The following LGR4 variants were observed in gnomAD, a reference collection of about 807,000 sequenced individuals.
LGR4 encodes the protein leucine-rich repeat-containing G protein-coupled receptor 4.
Under a neutral mutation model 84.8 loss-of-function variants are expected in LGR4, and 44 were observed. The ratio of observed to expected loss-of-function variants is 0.52; its 90% CI spans 0.41 to 0.67. The LOEUF (loss-of-function observed/expected upper bound fraction) is 0.67, where lower values mean the gene tolerates loss of function less well. Among genes scored for constraint, LGR4 ranks in the 30% least tolerant of loss-of-function variants. The probability of loss-of-function intolerance (pLI) is 0.00; values close to 1 mark genes in which losing one functional copy is unlikely to be tolerated. For synonymous variants in LGR4, 429 were observed against 434.3 expected (o/e 0.99, Z 0.15); for missense variants, 1,032 against 1,131.4 (o/e 0.91, Z 1.26).
chr11:27,459,428 C>T (rs1864638945), intron 1 of LGR4, among the ~76,000 whole-genome samples: 1 of 151,952 alleles, frequency 6.6e-6, no homozygotes, highest in East Asian at 1.9e-4. Flanking sequence ...GTTTTTCCTC[C>T]TTCTGGAATT....
At position 27,411,414 on chromosome 11, in the gene LGR4, G is replaced by A. The variant is rs947391348; in HGVS notation, c.257+1375C>T. ...AAAAAAAAAAACAACAACACAGGAGGCAAAAATAAAACATATACTTCTACC... is the reference window on the plus strand; with the variant it reads ...AAAAAAAAAAACAACAACACAGGAGACAAAAATAAAACATATACTTCTACC... On this transcript the variant is annotated intron_variant, in intron 2 of 17. Coordinates refer to ENST00000379214, the MANE Select transcript of LGR4 (RefSeq NM_018490.5). Among the ~76,000 whole-genome samples, 9 of 151,074 alleles carry A rather than the reference G, an allele frequency of 6.0e-5. 1 individual carries two copies. Among genetic ancestry groups the A allele is most frequent in the Admixed American group, 5.9e-4 (9 of 15,152 alleles).
intron 1 of LGR4, among the ~76,000 whole-genome samples, chr11:27,457,456 G>A (rs1195958476): frequency 6.6e-6 from 1 of 152,154 alleles, no homozygotes; most frequent in Non-Finnish European, 1.5e-5. Flanking sequence ...CAGCATAGAG[G>A]AGTTTAAAGA....
At chr11:27,443,325 C>T (rs35548939) in intron 1 of LGR4, among the ~76,000 whole-genome samples, 12,664 of 152,226 alleles carry the variant, frequency 0.083, 781 homozygotes, top group Non-Finnish European at 0.12. Flanking sequence ...AAATTCCTCC[C>T]CAAGCTCATT....
chr11:27,448,310 A>G (rs1474523236), intron 1 of LGR4, among the ~76,000 whole-genome samples: 1 of 127,744 alleles, frequency 7.8e-6, no homozygotes, highest in Non-Finnish European at 1.7e-5. Flanking sequence ...TTTTTTTTTG[A>G]GACAGAGTTT....
Position 27,371,693 on chromosome 11 carries a change from C to T in LGR4, c.1501G>A (p.Ala501Thr), listed in dbSNP as rs774195086. 6.2e-7 allele frequency: 1 copy of T among 1,608,722 alleles called. No homozygotes were observed. Among genetic ancestry groups the T allele is most frequent in the East Asian group, 2.2e-5 (1 of 44,840 alleles). The stretch of plus-strand genomic sequence containing the variant: ...GTGCTTGTGACATTTGCTGCATCAG[C>T]AGTACCTGAACATATAACACAAAGC... ...DHSVAQEKGT[A>T]DAANVTSTLE... The change falls in exon 17 of 18, where the codon GCT becomes ACT. Residue 501 changes from alanine (A) to threonine (T), a missense_variant. By Grantham distance (58) the Ala-to-Thr change is moderately conservative. Coordinates refer to ENST00000379214, the MANE Select transcript of LGR4 (RefSeq NM_018490.5).
Position 27,377,138 on chromosome 11 carries a change from T to A in LGR4, c.1109+20A>T. ...TAACAATACACCACAACAAAAGGAA[T>A]AAGTCAAAGACCAACTCACATTTCT... On this transcript the variant is annotated intron_variant, in intron 12 of 17. Transcript: ENST00000379214. 1 of 1,480,416 alleles carries A rather than the reference T, an allele frequency of 6.8e-7. No individual in the cohort carries two copies. The highest frequency in any genetic ancestry group is 1.4e-5 in the African/African-American group (1 of 71,332). 91.7% of individuals were successfully genotyped at this position (1,480,416 alleles called of 1,614,324 possible).
At chr11:27,441,546 G>C (rs968141996) in intron 1 of LGR4, among the ~76,000 whole-genome samples, 1 of 152,216 alleles carries the variant, frequency 6.6e-6, no homozygotes, top group Non-Finnish European at 1.5e-5. Flanking sequence ...AATCTAACCA[G>C]AGAAAGAAAT....
Position 27,472,123 on chromosome 11 carries a change from T to C in LGR4, c.180A>G (p.Gln60=). ...TCCCCGCCGCCCGCACTCACAGCGC[T>C]TGGGTGAAGGCGCTGAGCCCCTCGG... ...AVPEGLSAFT[Q]ALDISMNNIT... The change falls in exon 1 of 18, where the codon CAA becomes CAG. Residue 60 remains glutamine (Q), a synonymous_variant. Transcript: ENST00000379214. 8.1e-7 allele frequency: 1 copy of C among 1,236,902 alleles called. No individual in the cohort carries two copies. The allele number at this position is 1,236,902 out of a possible 1,614,324, so 76.6% of individuals were successfully genotyped here. A position where few individuals can be genotyped will look rare whatever the true frequency, so the allele number is the denominator to read the frequency against.
Position 27,380,635 on chromosome 11 carries a change from C to T in LGR4, c.902+5G>A, listed in dbSNP as rs766639386. On this transcript the variant is annotated splice_donor_5th_base_variant and intron_variant, in intron 9 of 17. Transcript: ENST00000379214. ...CCAGGTTTGTTTTTAAATTCACATA[C>T]TTACAGGGAATGAAGATCAGATAAA... The T allele has an allele frequency of 1.3e-6, 2 of 1,545,478 alleles. No homozygotes were observed. The highest frequency in any genetic ancestry group is 2.3e-5 in the South Asian group (2 of 87,798).
At chr11:27,410,113 T>C (rs930444966) in intron 2 of LGR4, among the ~76,000 whole-genome samples, 1 of 152,162 alleles carries the variant, frequency 6.6e-6, no homozygotes, top group South Asian at 2.1e-4. Flanking sequence ...TTTAATTTTA[T>C]TCATTTTAAA....
chr11:27,467,579 A>AG (rs1418330621), intron 1 of LGR4, among the ~76,000 whole-genome samples: 3 of 125,670 alleles, frequency 2.4e-5, no homozygotes, highest in Non-Finnish European at 5.8e-5. Flanking sequence ...AAAAAAAAAA[A>AG]AAATCAAATT....
At chr11:27,419,019 G>C (rs1863875615) in intron 1 of LGR4, among the ~76,000 whole-genome samples, 2 of 151,836 alleles carry the variant, frequency 1.3e-5, no homozygotes, top group Non-Finnish European at 2.9e-5. Context: ...ATTATTATTT[G>C]TAGAGACCAG....
chr11:27,402,839 T>C (rs1419821437), intron 2 of LGR4, among the ~76,000 whole-genome samples: 1 of 152,182 alleles, frequency 6.6e-6, no homozygotes, highest in Non-Finnish European at 1.5e-5. Context: ...GATAGGGTTT[T>C]GATGGCTGCA....
chr11:27,377,254 CTA>C, intron 11 of LGR4, 31 bp from the exon 12 acceptor site: 1 of 1,130,444 alleles, frequency 8.8e-7, no homozygotes, highest in African/African-American at 1.5e-5. Flanking sequence ...CAAATTAATG[CTA>C]TGTTATCAGA....
intron 4 of LGR4, among the ~76,000 whole-genome samples, chr11:27,390,272 T>C (rs1294424844): frequency 1.3e-5 from 2 of 152,166 alleles, no homozygotes; most frequent in East Asian, 3.8e-4. Context: ...TTTCAAAGTA[T>C]AATACAAAAC....
At chr11:27,466,734 T>C (rs1864783977) in intron 1 of LGR4, among the ~76,000 whole-genome samples, 2 of 152,214 alleles carry the variant, frequency 1.3e-5, no homozygotes, top group Admixed American at 1.3e-4. Context: ...ACATTATTGG[T>C]TACTGCAAGT....
chr11:27,469,188 C>A (rs968892354), intron 1 of LGR4, among the ~76,000 whole-genome samples: 1 of 152,130 alleles, frequency 6.6e-6, no homozygotes, highest in African/African-American at 2.4e-5. Flanking sequence ...ATACAGGAAT[C>A]CCATTCACAG....
At chr11:27,385,519 G>C in intron 4 of LGR4, 51 bp from the exon 5 acceptor site, 1 of 1,141,062 alleles carries the variant, frequency 8.8e-7, no homozygotes, top group Non-Finnish European at 1.3e-6. Flanking sequence ...AGTGAAATGA[G>C]TCAGTTCAAG....
intron 1 of LGR4, among the ~76,000 whole-genome samples, chr11:27,440,342 C>A (rs1016225421): frequency 6.6e-6 from 1 of 152,152 alleles, no homozygotes; most frequent in African/African-American, 2.4e-5. Context: ...CAACCCAGAC[C>A]GCAGTCTGTG....
Sources: gnomAD v4.1 joint callset for allele counts (sites outside exome capture counted in the v4.1 genomes callset) on GRCh38, gnomAD v4.1.1 for gene constraint, MANE v1.5 for transcripts, NCBI Gene and HGNC (gene_info 2026-07-23, HGNC 2026-07-21) for gene names.